UBR3: variants seen among roughly 807,000 people sequenced by gnomAD.
UBR3 encodes ubiquitin protein ligase E3 component n-recognin 3, also known as E3 ubiquitin-protein ligase UBR3.
In UBR3, 85 loss-of-function variants were observed where a neutral mutation model predicts 243.2. That is an observed-to-expected ratio of 0.35 (90% confidence interval 0.29 to 0.42). The LOEUF is 0.42. Among genes scored for constraint, UBR3 ranks in the 10% least tolerant of loss-of-function variants. The pLI, the probability that UBR3 is intolerant of heterozygous loss-of-function variation, is 1.00. For synonymous variants in UBR3, 748 were observed against 799.8 expected (o/e 0.94, Z 1.09); for missense variants, 1,686 against 2,300.8 (o/e 0.73, Z 5.47).
chr2:169,971,017 C>T (rs2088113801), intron 24 of UBR3, among the ~76,000 whole-genome samples: 1 of 149,308 alleles, frequency 6.7e-6, no homozygotes, highest in Non-Finnish European at 1.5e-5. Flanking sequence ...GATTGCCATT[C>T]TAACTGGTGT....
chr2:169,842,729 C>T (rs562959583), intron 1 of UBR3, among the ~76,000 whole-genome samples: 3 of 152,036 alleles, frequency 2.0e-5, no homozygotes, highest in Non-Finnish European at 4.4e-5. Flanking sequence ...GAAGAAACTC[C>T]GAACACATCT....
chr2:169,992,919 C>G (rs898076764), intron 25 of UBR3, among the ~76,000 whole-genome samples: 2 of 152,088 alleles, frequency 1.3e-5, no homozygotes, highest in African/African-American at 4.8e-5. Flanking sequence ...CACCACCATA[C>G]CCAGCTAAAT....
At chr2:169,938,433 G>T (rs572736925) in intron 19 of UBR3, among the ~76,000 whole-genome samples, 1 of 151,754 alleles carries the variant, frequency 6.6e-6, no homozygotes, top group African/African-American at 2.4e-5. Context: ...GCTAATTTTT[G>T]AATTTTTTGT....
chr2:169,868,231 G>A (rs1478378435), intron 1 of UBR3, among the ~76,000 whole-genome samples: 2 of 152,062 alleles, frequency 1.3e-5, no homozygotes, highest in African/African-American at 2.4e-5. Context: ...GTAAACTCCC[G>A]CCTACTTCCC....
At chr2:169,836,061 ATATATATTTTTTTT>A (rs1260558203) in intron 1 of UBR3, among the ~76,000 whole-genome samples, 9 of 33,990 alleles carry the variant, frequency 2.6e-4, no homozygotes, top group African/African-American at 4.0e-4. Context: ...ATATATATAT[ATATATATTTTTTTT>A]TTTTTTTTTT....
At chr2:169,907,779 A>AT (rs144751242) in intron 10 of UBR3, among the ~76,000 whole-genome samples, 6,201 of 150,762 alleles carry the variant, frequency 0.041, 181 homozygotes, top group East Asian at 0.11. Context: ...TAATTTTTAA[A>AT]TTTTTTTTTA....
In UBR3 at chr2:169,996,693, G is replaced by GTTTT. The variant is rs397871702; in HGVS notation, c.3918+2253_3918+2256dup. Among the ~76,000 whole-genome samples, 77 of 64,502 alleles carry GTTTT rather than the reference G, an allele frequency of 1.2e-3. 2 individuals carry two copies. The highest frequency in any genetic ancestry group is 1.8e-3 in the African/African-American group (35 of 19,782). The allele number at this position is 64,502 out of a possible 152,430, so 42.3% of individuals were successfully genotyped here. ...TTGTTCTTTATTGCTTTGGACTTTT[G>GTTTT]TTTTTTTTTTTTTTTTTTTAGATAG... On this transcript the variant is annotated intron_variant, in intron 26 of 38. Coordinates refer to ENST00000272793, the MANE Select transcript of UBR3 (RefSeq NM_172070.4).
At chr2:169,858,342 GA>G (rs2082963862) in intron 1 of UBR3, among the ~76,000 whole-genome samples, 1 of 152,134 alleles carries the variant, frequency 6.6e-6, no homozygotes, top group South Asian at 2.1e-4. Flanking sequence ...CACCGGGTAT[GA>G]TAGCAATGAA....
chr2:169,961,246 G>A (rs1417140783), intron 24 of UBR3, among the ~76,000 whole-genome samples: 2 of 151,916 alleles, frequency 1.3e-5, no homozygotes, highest in South Asian at 4.2e-4. Context: ...TATTACCTTA[G>A]GATTTTCCCC....
At chr2:169,844,482 A>T (rs10191150) in intron 1 of UBR3, among the ~76,000 whole-genome samples, 146,813 of 149,826 alleles carry the variant, frequency 0.98, 71,984 homozygotes, top group East Asian at 1. Flanking sequence ...TATGTAGTGA[A>T]ACCCTCTCTC....
chr2:169,897,806 T>C (rs1213388123), intron 8 of UBR3, among the ~76,000 whole-genome samples: 2 of 152,190 alleles, frequency 1.3e-5, no homozygotes, highest in Non-Finnish European at 2.9e-5. Context: ...TGGCCAATAA[T>C]ATATAGTATT....
intron 32 of UBR3, among the ~76,000 whole-genome samples, chr2:170,045,104 G>T (rs1255088904): frequency 6.6e-6 from 1 of 152,060 alleles, no homozygotes; most frequent in Non-Finnish European, 1.5e-5. Flanking sequence ...AGGTTTAATG[G>T]ACTCACAGTT....
intron 1 of UBR3, among the ~76,000 whole-genome samples, chr2:169,871,515 G>A (rs867774763): frequency 3.3e-5 from 5 of 151,606 alleles, no homozygotes; most frequent in African/African-American, 1.2e-4. Flanking sequence ...GGGCCGAGGC[G>A]GGCGGAGCAC....
chr2:169,891,779 C>A (rs2084387924), intron 6 of UBR3, among the ~76,000 whole-genome samples: 1 of 151,986 alleles, frequency 6.6e-6, no homozygotes, highest in African/African-American at 2.4e-5. Context: ...TTTATTGAAC[C>A]TTTTGTATGT....
chr2:170,057,804 G>T (rs2091368719), intron 33 of UBR3, among the ~76,000 whole-genome samples: 1 of 151,926 alleles, frequency 6.6e-6, no homozygotes, highest in Admixed American at 6.6e-5. Context: ...ATATATATTA[G>T]TGTATTAGTT....
At chr2:169,914,354 A>C (rs1319219396) in intron 11 of UBR3, among the ~76,000 whole-genome samples, 2 of 152,206 alleles carry the variant, frequency 1.3e-5, no homozygotes, top group East Asian at 3.8e-4. Context: ...TCTGGAGCGC[A>C]CTAATATGTC....
intron 30 of UBR3, among the ~76,000 whole-genome samples, chr2:170,026,546 C>G (rs1272364865): frequency 6.6e-6 from 1 of 152,078 alleles, no homozygotes; most frequent in Non-Finnish European, 1.5e-5. Context: ...ATGGCTAGTA[C>G]AGACTTGGAT....
At chr2:170,057,248 T>C (rs772229912) in intron 33 of UBR3, among the ~76,000 whole-genome samples, 2 of 151,978 alleles carry the variant, frequency 1.3e-5, no homozygotes, top group Non-Finnish European at 2.9e-5. Context: ...TGACGAGTAG[T>C]TGGGGCTACA....
chr2:169,975,002 A>G (rs963027715), intron 24 of UBR3, among the ~76,000 whole-genome samples: 9 of 152,232 alleles, frequency 5.9e-5, no homozygotes, highest in African/African-American at 2.2e-4. Context: ...ACAACATGGC[A>G]AAACCCCAAA....
Sources: gnomAD v4.1 joint callset for allele counts (sites outside exome capture counted in the v4.1 genomes callset) on GRCh38, gnomAD v4.1.1 for gene constraint, MANE v1.5 for transcripts, NCBI Gene and HGNC (gene_info 2026-07-23, HGNC 2026-07-21) for gene names.